Variants in RPS6 observed in about 807,000 individuals in gnomAD.
RPS6 encodes the protein ribosomal protein S6.
In RPS6, 1 loss-of-function variant was observed where a neutral mutation model predicts 27.1. The observed-to-expected ratio is 0.04, with a 90% CI of 0.01 to 0.18. The LOEUF (loss-of-function observed/expected upper bound fraction) is 0.18, where lower values mean the gene tolerates loss of function less well. Ranked by LOEUF, RPS6 falls within the 10% of genes least tolerant of loss-of-function variation. The pLI is 1.00. For missense variants in RPS6, 259 were observed against 319.1 expected, an observed-to-expected ratio of 0.81 and a Z score of 1.44; for synonymous variants, 152 against 106.0, an observed-to-expected ratio of 1.43 and a Z score of -2.66.
At chr9:19,379,154 G>T in intron 2 of RPS6, 1 of 791,280 alleles carries the variant, frequency 1.3e-6, no homozygotes. Context: ...AGAGATAACA[G>T]CACTAAGAAG....
chr9:19,376,387 T>G lies in RPS6; in HGVS notation c.656A>C (p.Glu219Ala). Residue 219 changes from glutamate (E) to alanine (A), a missense_variant and splice_region_variant, in exon 6 of 6, where the codon GAG (glutamate) becomes GCG (alanine). Transcript: ENST00000380394. Reference sequence around the variant, plus strand: ...TTGTTCCTGGCGCTTCTCCTTAGCCTCCTAAACAAAACAAAACAGCAAACA... The same window carrying G: ...TTGTTCCTGGCGCTTCTCCTTAGCCGCCTAAACAAAACAAAACAGCAAACA... ...YAKLLAKRMK[E>A]AKEKRQEQIA... is the part of the protein sequence containing the mutation. The G allele has an allele frequency of 6.2e-7, 1 of 1,614,020 alleles. No homozygotes were observed.
chr9:19,379,729 A>G (rs1182328672), intron 1 of RPS6, 111 bp from the exon 2 acceptor site: 1 of 1,508,746 alleles, frequency 6.6e-7, no homozygotes, highest in Non-Finnish European at 8.8e-7. Flanking sequence ...GCCTCCACAC[A>G]AGCAGGAAAT....
rs957237923 is a variant in RPS6, at chr9:19,379,272, G to T, written c.138+215C>A. 4 of 1,455,376 alleles carry T rather than the reference G, an allele frequency of 2.7e-6. No homozygotes were observed. In the African/African-American group the frequency reaches 4.3e-5, roughly 16 times the overall value. 90.2% of individuals were successfully genotyped at this position (1,455,376 alleles called of 1,614,324 possible). ...TTGCCAAATGCATGATGCAGGGCAA[G>T]AATTATGTTGATGTAAACTTTACGT... On this transcript the variant is annotated intron_variant, in intron 2 of 5. Transcript: ENST00000380394.
rs774711614 is a variant in RPS6 at position 19,378,842 on chromosome 9, C to T, written c.215G>A (p.Arg72His). The T allele has an allele frequency of 1.2e-6, 2 of 1,614,210 alleles. No individual in the cohort carries two copies. Among genetic ancestry groups the T allele is most frequent in the Non-Finnish European group, 1.7e-6 (2 of 1,180,038 alleles). Reference protein sequence around the residue: ...PMKQGVLTHGRVRLLLSKGHS... With the variant: ...PMKQGVLTHGHVRLLLSKGHS... The stretch of plus-strand genomic sequence containing the variant: ...CCCCTTACTCAGTAGCAGGCGGACA[C>T]GGCCATGGGTCAAGACACCCTGCTT... The change falls in exon 3 of 6, where the codon CGT becomes CAT. Residue 72 changes from arginine to histidine, a missense_variant. This residue lies in a region of RPS6 where 191 missense variants were observed against 231.6 expected (regional missense o/e 0.82). Coordinates refer to ENST00000380394, the MANE Select transcript of RPS6 (RefSeq NM_001010.3).
chr9:19,379,642 A>C, intron 1 of RPS6, 24 bp from the exon 2 acceptor site: 2 of 1,603,182 alleles, frequency 1.2e-6, no homozygotes. Context: ...GGGGGGAAAT[A>C]GTTTACGAAA....
chr9:19,379,187 ACAAAT>A (rs1189945618), intron 2 of RPS6: 4 of 969,628 alleles, frequency 4.1e-6, no homozygotes, highest in Non-Finnish European at 5.9e-6. Context: ...ACAGCAACAA[ACAAAT>A]CAGATACAAC....
In RPS6 at chr9:19,377,389, T is replaced by C. The variant is rs933066351; in HGVS notation, c.497-738A>G. The stretch of plus-strand genomic sequence containing the variant: ...TGGGCAACTGCCACCTATTTGTCAA[T>C]TGCTTTTTTTTTTTTTTTTGCAACA... On this transcript the variant is annotated intron_variant, in intron 4 of 5. Transcript: ENST00000380394. Among the ~76,000 whole-genome samples, 8 of 142,566 alleles carry C rather than the reference T, an allele frequency of 5.6e-5. No homozygotes were observed. The South Asian group carries it at 6.6e-4, about 12-fold the overall frequency. 93.5% of individuals were successfully genotyped at this position (142,566 alleles called of 152,430 possible).
intron 2 of RPS6, 60 bp downstream of exon 2, chr9:19,379,427 G>A (rs756499314): frequency 1.3e-5 from 21 of 1,605,174 alleles, no homozygotes; most frequent in Admixed American, 5.1e-5. Flanking sequence ...CCAAATACCA[G>A]TTACCAATGG....
At chr9:19,378,631 A>T in intron 3 of RPS6, 77 bp downstream of exon 3, 1 of 1,575,464 alleles carries the variant, frequency 6.3e-7, no homozygotes, top group Non-Finnish European at 8.7e-7. Context: ...GTAAGTCTGG[A>T]TACTGCAAAT....
At chr9:19,377,158 T>G (rs978068670) in intron 4 of RPS6, among the ~76,000 whole-genome samples, 3 of 152,210 alleles carry the variant, frequency 2.0e-5, no homozygotes, top group African/African-American at 7.2e-5. Flanking sequence ...GCTCATGGAT[T>G]ACAGATCTGC....
Position 19,379,231 on chromosome 9 carries a change from A to C in RPS6, c.138+256T>G, listed in dbSNP as rs553242827. 343 of 1,307,046 alleles carry C rather than the reference A, an allele frequency of 2.6e-4. 1 individual carries two copies. The African/African-American group carries it at 4.6e-3, about 17-fold the overall frequency. 81.0% of individuals were successfully genotyped at this position (1,307,046 alleles called of 1,614,324 possible). A position where few individuals can be genotyped will look rare whatever the true frequency, so the allele number is the denominator to read the frequency against. On this transcript the variant is annotated intron_variant, in intron 2 of 5. Transcript: ENST00000380394. Reference sequence around the variant, plus strand: ...TTTTGGCACTTTGGGGATTATGAGGACAGCTATGTGACATATTGCCAAATG... The same window carrying C: ...TTTTGGCACTTTGGGGATTATGAGGCCAGCTATGTGACATATTGCCAAATG...
Position 19,376,406 on chromosome 9 carries a change from GCAAA to G in RPS6, c.655-22_655-19del. 6.2e-7 allele frequency: 1 copy of G among 1,613,466 alleles called. No individual in the cohort carries two copies. The highest frequency in any genetic ancestry group is 8.5e-7 in the Non-Finnish European group (1 of 1,179,688). Reference sequence around the variant, plus strand: ...TTAGCCTCCTAAACAAAACAAAACAGCAAACAGTTAAGGCCTTTCTGGGTTAAAG... The same window carrying G: ...TTAGCCTCCTAAACAAAACAAAACAGCAGTTAAGGCCTTTCTGGGTTAAAG... On this transcript the variant is annotated intron_variant, in intron 5 of 5. Coordinates refer to ENST00000380394, the MANE Select transcript of RPS6 (RefSeq NM_001010.3).
At chr9:19,379,945 A>G in intron 1 of RPS6, 1 of 1,435,466 alleles carries the variant, frequency 7.0e-7, no homozygotes, top group Non-Finnish European at 9.1e-7. Flanking sequence ...AACACGCCGC[A>G]TCCGTCCCGG....
intron 4 of RPS6, among the ~76,000 whole-genome samples, chr9:19,377,940 T>G (rs910335646): frequency 6.6e-6 from 1 of 152,198 alleles, no homozygotes; most frequent in African/African-American, 2.4e-5. Context: ...GAGCATCACT[T>G]GAGCTCAAGG....
intron 2 of RPS6, 173 bp downstream of exon 2, chr9:19,379,314 T>C (rs1200096608): frequency 5.3e-6 from 8 of 1,497,524 alleles, no homozygotes; most frequent in African/African-American, 4.2e-5. Context: ...TATGGCTTAC[T>C]CTACGTCCCC....
chr9:19,375,797 T>C lies in RPS6; in HGVS notation c.*496A>G, dbSNP rs1317115817. ...AACAATTCACTGGAGTTGAAAAGCT[T>C]TGTTAAAACAAATTTGAAATGGCTT... On this transcript the variant is annotated 3_prime_UTR_variant, in exon 6 of 6. Coordinates refer to ENST00000380394, the MANE Select transcript of RPS6 (RefSeq NM_001010.3). 6.6e-6 allele frequency: 1 copy of C among 152,668 alleles called. No homozygotes were observed. Among genetic ancestry groups the C allele is most frequent in the African/African-American group, 2.4e-5 (1 of 41,432 alleles). 9.5% of individuals were successfully genotyped at this position (152,668 alleles called of 1,614,324 possible).
chr9:19,376,025 T>A lies in RPS6; in HGVS notation c.*268A>T, dbSNP rs1399642597. 1 of 330,762 alleles carries A rather than the reference T, an allele frequency of 3.0e-6. No individual in the cohort carries two copies. Among genetic ancestry groups the A allele is most frequent in the Non-Finnish European group, 5.5e-6 (1 of 180,844 alleles). The allele number at this position is 330,762 out of a possible 1,614,324, so 20.5% of individuals were successfully genotyped here. A position where few individuals can be genotyped will look rare whatever the true frequency, so the allele number is the denominator to read the frequency against. ...ATAGTCCTCATCATTTCCCCTAAGT[T>A]CCATGCCATTCTGAAGAGGCAGGTG... On this transcript the variant is annotated 3_prime_UTR_variant, in exon 6 of 6. Transcript: ENST00000380394.
Position 19,376,226 on chromosome 9 carries a change from T to C in RPS6, c.*67A>G. The C allele has an allele frequency of 1.5e-6, 2 of 1,334,964 alleles. No homozygotes were observed. The highest frequency in any genetic ancestry group is 1.1e-6 in the Non-Finnish European group (1 of 948,994). The allele number at this position is 1,334,964 out of a possible 1,614,324, so 82.7% of individuals were successfully genotyped here. The stretch of plus-strand genomic sequence containing the variant: ...TTTCCCTCTCTTCATTTATGTAGTT[T>C]TCTATCAGCAATGAAAAGTCAACAG... On this transcript the variant is annotated 3_prime_UTR_variant, in exon 6 of 6. Coordinates refer to ENST00000380394, the MANE Select transcript of RPS6 (RefSeq NM_001010.3).
At chr9:19,379,673 A>T (rs909466295) in intron 1 of RPS6, 55 bp from the exon 2 acceptor site, 19 of 1,551,916 alleles carry the variant, frequency 1.2e-5, no homozygotes, top group Non-Finnish European at 1.6e-5. Flanking sequence ...AGGTAATTGT[A>T]GAGCCATCTA....
Sources: gnomAD v4.1 joint callset for allele counts (sites outside exome capture counted in the v4.1 genomes callset) on GRCh38, gnomAD v4.1.1 for gene constraint, gnomAD v4.1.1 regional missense constraint, MANE v1.5 for transcripts, NCBI Gene and HGNC (gene_info 2026-07-23, HGNC 2026-07-21) for gene names.